NDUFV1: variants seen among roughly 807,000 people sequenced by gnomAD.
NDUFV1 encodes the protein NADH dehydrogenase [ubiquinone] flavoprotein 1, mitochondrial.
In NDUFV1, 41 loss-of-function variants were observed where a neutral mutation model predicts 48.7. The observed-to-expected ratio is 0.84, with a 90% CI of 0.66 to 1.09. NDUFV1 has a LOEUF of 1.09. Ranked by LOEUF, NDUFV1 falls within the 50% of genes least tolerant of loss-of-function variation. The probability of loss-of-function intolerance (pLI) is 0.00; values close to 1 mark genes in which losing one functional copy is unlikely to be tolerated. For missense variants in NDUFV1, 580 were observed against 645.4 expected, an observed-to-expected ratio of 0.90 and a Z score of 1.10; for synonymous variants, 231 against 259.1, an observed-to-expected ratio of 0.89 and a Z score of 1.04.
intron 1 of NDUFV1, 114 bp from the exon 2 acceptor site, chr11:67,608,282 C>T: frequency 1.0e-6 from 1 of 986,592 alleles, no homozygotes; most frequent in Non-Finnish European, 1.6e-6. Flanking sequence ...ATAGATGCTT[C>T]CCTAGCCCTA....
chr11:67,609,770 G>C, intron 4 of NDUFV1, 135 bp downstream of exon 4: 1 of 1,001,432 alleles, frequency 1.0e-6, no homozygotes, highest in Non-Finnish European at 1.5e-6. Flanking sequence ...GGCCAGTCCT[G>C]CATGCATCCC....
chr11:67,612,375 C>G lies in NDUFV1; in HGVS notation c.1312C>G (p.Leu438Val). 1 of 1,613,506 alleles carries G rather than the reference C, an allele frequency of 6.2e-7. No homozygotes were observed. Among genetic ancestry groups the G allele is most frequent in the South Asian group, 1.1e-5 (1 of 91,046 alleles). ...GDGAAWPVQG[L>V]IRHFRPELEE... is the part of the protein sequence containing the mutation. ...ATGGTCCCCCCACCGACCCCAGGGTCTGATCCGCCACTTTCGGCCGGAGCT... is the reference window on the plus strand; with the variant it reads ...ATGGTCCCCCCACCGACCCCAGGGTGTGATCCGCCACTTTCGGCCGGAGCT... The change falls in exon 10 of 10, where the codon CTG (leucine) becomes GTG (valine). Residue 438 changes from leucine to valine, a missense_variant. Coordinates refer to ENST00000322776, the MANE Select transcript of NDUFV1 (RefSeq NM_007103.4). The surrounding 1 kb of genome is among the most constrained non-coding windows in gnomAD (Gnocchi z 4.4).
chr11:67,608,282 C>A, intron 1 of NDUFV1, 114 bp from the exon 2 acceptor site: 9 of 986,592 alleles, frequency 9.1e-6, no homozygotes, highest in Non-Finnish European at 1.5e-5. Context: ...ATAGATGCTT[C>A]CCTAGCCCTA....
chr11:67,611,354 G>A lies in NDUFV1; in HGVS notation c.914-49G>A, dbSNP rs1324734612. Reference sequence around the variant, plus strand: ...GGCTCAGGACTAGGCAGGTGTGCCGGCCCCAGCCCTGACCATGCATCCCTT... The same window carrying A: ...GGCTCAGGACTAGGCAGGTGTGCCGACCCCAGCCCTGACCATGCATCCCTT... On this transcript the variant is annotated intron_variant, in intron 6 of 9. Coordinates refer to ENST00000322776, the MANE Select transcript of NDUFV1 (RefSeq NM_007103.4). The surrounding 1 kb of genome is among the most constrained non-coding windows in gnomAD (Gnocchi z 4.2). 6.2e-7 allele frequency: 1 copy of A among 1,606,250 alleles called. No homozygotes were observed. Among genetic ancestry groups the A allele is most frequent in the Non-Finnish European group, 8.5e-7 (1 of 1,176,026 alleles).
At chr11:67,610,606 C>T in intron 5 of NDUFV1, 36 bp downstream of exon 5, 2 of 1,610,004 alleles carry the variant, frequency 1.2e-6, no homozygotes, top group Non-Finnish European at 8.5e-7. Flanking sequence ...AGACTGTGTC[C>T]TGTGACACCC....
intron 4 of NDUFV1, chr11:67,610,035 A>C (rs1002015734): frequency 2.8e-6 from 1 of 354,320 alleles, no homozygotes; most frequent in African/African-American, 2.1e-5. Flanking sequence ...TAGAAAAATA[A>C]AATAGGTTAA....
Position 67,611,552 on chromosome 11 carries a change from A to G in NDUFV1, c.1063A>G (p.Ile355Val). 6.2e-7 allele frequency: 1 copy of G among 1,608,350 alleles called. No homozygotes were observed. Among genetic ancestry groups the G allele is most frequent in the Non-Finnish European group, 8.5e-7 (1 of 1,177,436 alleles). ...AQTGLGTAAV[I>V]VMDRSTDIVK... ...GACAGGCCTGGGCACAGCTGCGGTG[A>G]TCGTCATGGACCGCTCGGTAAGGGT... The change falls in exon 7 of 10, where the codon ATC becomes GTC. Residue 355 changes from isoleucine (I) to valine (V), a missense_variant. Physicochemically the swap from Ile to Val is conservative, Grantham distance 29. Transcript: ENST00000322776. The surrounding 1 kb of genome is among the most constrained non-coding windows in gnomAD (Gnocchi z 4.2).
chr11:67,608,509 C>T (rs377329058), intron 2 of NDUFV1, 31 bp downstream of exon 2: 78 of 1,614,176 alleles, frequency 4.8e-5, no homozygotes, highest in Non-Finnish European at 5.7e-5. Context: ...TGTTGGGTCC[C>T]GGAGCAAGGT....
In NDUFV1 at chr11:67,611,061, G is replaced by A. The variant is rs779402114; in HGVS notation, c.767G>A (p.Arg256His). 15 of 1,614,228 alleles carry A rather than the reference G, an allele frequency of 9.3e-6. No individual in the cohort carries two copies. Among genetic ancestry groups the A allele is most frequent in the South Asian group, 3.3e-5 (3 of 91,088 alleles). ...GTGGCAGTGTCCCCCACAATCTGCC[G>A]CCGTGGAGGTACCTGGTTTGCTGGC... ...ETVAVSPTIC[R>H]RGGTWFAGFG... The change falls in exon 6 of 10, where the codon CGC becomes CAC. Residue 256 changes from arginine to histidine, a missense_variant. By Grantham distance (29) the Arg-to-His change is conservative. Transcript: ENST00000322776. This position sits in a 1 kb window ranked among gnomAD's most constrained non-coding sequence, Gnocchi z 4.2.
intron 1 of NDUFV1, chr11:67,607,391 G>A: frequency 1.8e-6 from 1 of 564,708 alleles, no homozygotes; most frequent in South Asian, 1.5e-5. Context: ...AGGGGTCATT[G>A]CCCCATTTAG....
chr11:67,610,408 G>A lies in NDUFV1; in HGVS notation c.538G>A (p.Gly180Ser). The A allele has an allele frequency of 6.2e-7, 1 of 1,614,204 alleles. No individual in the cohort carries two copies. The highest frequency in any genetic ancestry group is 8.5e-7 in the Non-Finnish European group (1 of 1,180,044). Residue 180 changes from glycine (G) to serine (S), a missense_variant, in exon 5 of 10, where the codon GGT becomes AGT. By Grantham distance (56) the Gly-to-Ser change is moderately conservative (BLOSUM62 0). Coordinates refer to ENST00000322776, the MANE Select transcript of NDUFV1 (RefSeq NM_007103.4). ...QVAIREAYEA[G>S]LIGKNACGSG... ...GGCCATCCGAGAGGCCTATGAGGCA[G>A]GTCTGATTGGCAAGAATGCTTGTGG...
Position 67,611,619 on chromosome 11 carries a change from C to G in NDUFV1, c.1080+50C>G, listed in dbSNP as rs766780233. 1.1e-5 allele frequency: 17 copies of G among 1,577,012 alleles called. No homozygotes were observed. Among genetic ancestry groups the G allele is most frequent in the Non-Finnish European group, 1.3e-5 (15 of 1,161,440 alleles). On this transcript the variant is annotated intron_variant, in intron 7 of 9. Transcript: ENST00000322776. The surrounding 1 kb of genome is among the most constrained non-coding windows in gnomAD (Gnocchi z 4.2). ...GTCCCTGCCCTCCTGGTTGCTGTCT[C>G]CCTCCCTGGGCCTCCCAGAAAACCC...
intron 3 of NDUFV1, 145 bp from the exon 4 acceptor site, chr11:67,609,307 C>T: frequency 3.8e-6 from 3 of 784,182 alleles, no homozygotes; most frequent in Non-Finnish European, 6.2e-6. Context: ...GCAAGCAGAG[C>T]CCCTGGGACA....
chr11:67,612,516 C>T lies in NDUFV1; in HGVS notation c.*58C>T, dbSNP rs993214696. On this transcript the variant is annotated 3_prime_UTR_variant, in exon 10 of 10. Coordinates refer to ENST00000322776, the MANE Select transcript of NDUFV1 (RefSeq NM_007103.4). The surrounding 1 kb of genome is among the most constrained non-coding windows in gnomAD (Gnocchi z 4.4). ...CCATGTGGAATGCTGGACAATAAAGCGAGTGCTGCCCACCCTCCAGCTGCC... is the reference window on the plus strand; with the variant it reads ...CCATGTGGAATGCTGGACAATAAAGTGAGTGCTGCCCACCCTCCAGCTGCC... 1.6e-5 allele frequency: 24 copies of T among 1,545,372 alleles called. No individual in the cohort carries two copies. Among genetic ancestry groups the T allele is most frequent in the Admixed American group, 7.4e-5 (4 of 54,216 alleles).
In NDUFV1 at chr11:67,610,316, C is replaced by T. The variant is rs111907965; in HGVS notation, c.511-65C>T. On this transcript the variant is annotated intron_variant, in intron 4 of 9. Coordinates refer to ENST00000322776, the MANE Select transcript of NDUFV1 (RefSeq NM_007103.4). ...GGAGGCCTTCAAGGGCTTCATGACT[C>T]CTGAAGTTATAGGCTGACTCCTGGG... 0.019 allele frequency: 29,686 copies of T among 1,594,854 alleles called. 556 individuals are homozygous for T. Among genetic ancestry groups the T allele is most frequent in the Admixed American group, 0.027 (1,627 of 59,946 alleles).
At position 67,612,396 on chromosome 11, in the gene NDUFV1, G is replaced by A. The variant is rs71457785; in HGVS notation, c.1333G>A (p.Glu445Lys). 1 of 1,612,980 alleles carries A rather than the reference G, an allele frequency of 6.2e-7. No homozygotes were observed. The highest frequency in any genetic ancestry group is 8.5e-7 in the Non-Finnish European group (1 of 1,179,992). Residue 445 changes from glutamate (E) to lysine (K), a missense_variant, in exon 10 of 10, where the codon GAG (glutamate) becomes AAG (lysine). Transcript: ENST00000322776. This position sits in a 1 kb window ranked among gnomAD's most constrained non-coding sequence, Gnocchi z 4.4. ...GGGTCTGATCCGCCACTTTCGGCCG[G>A]AGCTCGAGGAGCGGATGCAGCGGTT... ...VQGLIRHFRP[E>K]LEERMQRFAQ...
At position 67,611,581 on chromosome 11, in the gene NDUFV1, C is replaced by T. The variant is rs1854917666; in HGVS notation, c.1080+12C>T. On this transcript the variant is annotated intron_variant, in intron 7 of 9. Coordinates refer to ENST00000322776, the MANE Select transcript of NDUFV1 (RefSeq NM_007103.4). The surrounding 1 kb of genome is among the most constrained non-coding windows in gnomAD (Gnocchi z 4.2). ...TCATGGACCGCTCGGTAAGGGTTCACACACCAGCCCTGGTCCCTGCCCTCC... is the reference window on the plus strand; with the variant it reads ...TCATGGACCGCTCGGTAAGGGTTCATACACCAGCCCTGGTCCCTGCCCTCC... 4 of 1,596,202 alleles carry T rather than the reference C, an allele frequency of 2.5e-6. No individual in the cohort carries two copies. Among genetic ancestry groups the T allele is most frequent in the Middle Eastern group, 1.7e-4 (1 of 5,982 alleles).
chr11:67,611,864 G>C lies in NDUFV1; in HGVS notation c.1081-33G>C, dbSNP rs774254693. ...CTGAGGCCCAGGCTTCTGTCTGGCC[G>C]TGGGTGCCTGCTAATTGCCCCTCGT... is the stretch of plus-strand genomic sequence containing the variant. On this transcript the variant is annotated intron_variant, in intron 7 of 9. Transcript: ENST00000322776. The surrounding 1 kb of genome is among the most constrained non-coding windows in gnomAD (Gnocchi z 4.2). The C allele has an allele frequency of 9.3e-6, 15 of 1,610,750 alleles. No homozygotes were observed. In the South Asian group the frequency reaches 1.6e-4, roughly 18 times the overall value.
intron 4 of NDUFV1, chr11:67,610,168 G>C: frequency 1.7e-6 from 1 of 594,264 alleles, no homozygotes; most frequent in Non-Finnish European, 3.0e-6. Context: ...TTTCCTGGCA[G>C]CAAAGCAGCT....
Sources: gnomAD v4.1 joint callset for allele counts on GRCh38, gnomAD v4.1.1 for gene constraint, Gnocchi (gnomAD v3.1) non-coding constraint, MANE v1.5 for transcripts, NCBI Gene and HGNC (gene_info 2026-07-23, HGNC 2026-07-21) for gene names.